The following ZNF207 variants were observed in gnomAD, a reference collection of about 807,000 sequenced individuals.
ZNF207 encodes the protein zinc finger protein 207, also known as BUB3-interacting and GLEBS motif-containing protein ZNF207.
ZNF207 carries 24 observed loss-of-function variants against 60.2 expected under a neutral mutation model. That is an observed-to-expected ratio of 0.40 (90% CI 0.29 to 0.56). The LOEUF (loss-of-function observed/expected upper bound fraction) is 0.56. Among genes scored for constraint, ZNF207 ranks in the 20% least tolerant of loss-of-function variants. The pLI, the probability that ZNF207 is intolerant of heterozygous loss-of-function variation, is 0.49. For synonymous variants in ZNF207, 236 were observed against 194.7 expected (o/e 1.21, Z -1.77); for missense variants, 452 against 636.6 (o/e 0.71, Z 3.12).
rs560695745 is a variant in ZNF207 at position 32,362,923 on chromosome 17, A to G, written c.609A>G (p.Pro203=). The change falls in exon 7 of 12, where the codon CCA becomes CCG. Residue 203 remains proline (P), a synonymous_variant. Transcript: ENST00000394670. ...QSFCGENIMM[P]MGGMMPPGPG... ...ATTTGCTTTCTAATAGAATGATGCCAATGGGTGGAATGATGCCACCTGGAC... is the reference window on the plus strand; with the variant it reads ...ATTTGCTTTCTAATAGAATGATGCCGATGGGTGGAATGATGCCACCTGGAC... The G allele has an allele frequency of 1.9e-6, 3 of 1,613,386 alleles. No homozygotes were observed. The South Asian group carries it at 3.3e-5, about 18-fold the overall frequency.
rs1309453642 is a variant in ZNF207 at position 32,372,941 on chromosome 17, A to G, written c.*3182A>G. The G allele has an allele frequency of 2.6e-5, 4 of 152,366 alleles. No individual in the cohort carries two copies. Among genetic ancestry groups the G allele is most frequent in the African/African-American group, 9.7e-5 (4 of 41,438 alleles). 9.4% of individuals were successfully genotyped at this position (152,366 alleles called of 1,614,324 possible). A position where few individuals can be genotyped will look rare whatever the true frequency, so the allele number is the denominator to read the frequency against. The stretch of plus-strand genomic sequence containing the variant: ...TAGTAGGGCTGGCAACTTTGGCTCT[A>G]CCTTACATCCACCCCTTTTAGAAAA... On this transcript the variant is annotated 3_prime_UTR_variant, in exon 12 of 12. Transcript: ENST00000394670.
chr17:32,360,552 CTT>C (rs1038110427), intron 3 of ZNF207, 44 bp from the exon 4 acceptor site: 1 of 1,520,862 alleles, frequency 6.6e-7, no homozygotes, highest in African/African-American at 1.4e-5. Context: ...TGTAAATAAA[CTT>C]TCTTAGTTTT....
chr17:32,361,408 CTT>C (rs1466746301), intron 5 of ZNF207, 58 bp from the exon 6 acceptor site: 1 of 1,459,286 alleles, frequency 6.9e-7, no homozygotes, highest in Non-Finnish European at 9.5e-7. Flanking sequence ...ATACAATACA[CTT>C]TCCCACTGTA....
intron 2 of ZNF207, among the ~76,000 whole-genome samples, chr17:32,356,444 A>G (rs981617242): frequency 1.3e-5 from 2 of 152,226 alleles, no homozygotes; most frequent in Non-Finnish European, 2.9e-5. Flanking sequence ...TTTTAATTGC[A>G]ATATAAGGAA....
At chr17:32,351,679 G>C in intron 1 of ZNF207, 107 bp from the exon 2 acceptor site, 2 of 1,604,540 alleles carry the variant, frequency 1.2e-6, no homozygotes, top group Non-Finnish European at 8.5e-7. Flanking sequence ...TTTCTATACA[G>C]TACCATTTTG....
Position 32,372,644 on chromosome 17 carries a change from T to G in ZNF207, c.*2885T>G, listed in dbSNP as rs1013630982. ...ATAGGCTCAGAGGTGGTGTACCCAT[T>G]TAATATATTTGAAGTGTAATTTTTG... On this transcript the variant is annotated 3_prime_UTR_variant, in exon 12 of 12. Transcript: ENST00000394670. 3 of 152,196 alleles carry G rather than the reference T, an allele frequency of 2.0e-5. No homozygotes were observed. Among genetic ancestry groups the G allele is most frequent in the Non-Finnish European group, 4.4e-5 (3 of 68,022 alleles). The allele number at this position is 152,196 out of a possible 1,614,324, so 9.4% of individuals were successfully genotyped here. A position where few individuals can be genotyped will look rare whatever the true frequency, so the allele number is the denominator to read the frequency against.
rs1905861126 is a variant in ZNF207, at chr17:32,380,979, A to C, written c.*11220A>C. ...CTCAAAAAAAAAAAGAAAAAAAGAA[A>C]AAGTGATAAGATTTGGGAGTCTATT... is the stretch of plus-strand genomic sequence containing the variant. On this transcript the variant is annotated 3_prime_UTR_variant, in exon 12 of 12. Transcript: ENST00000394670. The C allele has an allele frequency of 6.6e-6, 1 of 152,228 alleles. No homozygotes were observed. The highest frequency in any genetic ancestry group is 6.5e-5 in the Admixed American group (1 of 15,278). 9.4% of individuals were successfully genotyped at this position (152,228 alleles called of 1,614,324 possible).
chr17:32,362,396 A>G (rs1279920061), intron 6 of ZNF207, among the ~76,000 whole-genome samples: 2 of 152,196 alleles, frequency 1.3e-5, no homozygotes, highest in African/African-American at 4.8e-5. Flanking sequence ...TCCTGAGTTC[A>G]AGCAGTCCTT....
chr17:32,363,112 GTTATATGGACCCT>G (rs1904973969), intron 7 of ZNF207, 128 bp downstream of exon 7: 1 of 686,744 alleles, frequency 1.5e-6, no homozygotes, highest in Admixed American at 3.3e-5. Flanking sequence ...TGTGAGAAGT[GTTATATGGACCCT>G]TTTTTAAAAA....
Position 32,365,429 on chromosome 17 carries a change from CA to C in ZNF207, c.772del (p.Thr258LeufsTer66). 6.2e-7 allele frequency: 1 copy of C among 1,614,142 alleles called. No individual in the cohort carries two copies. Among genetic ancestry groups the C allele is most frequent in the Admixed American group, 1.7e-5 (1 of 60,012 alleles). ...GILNRPPAPT[A>X]TVPAPQPPVT... ...CTTAATAGACCACCTGCACCAACAG[CA>C]ACTGTACCTGCCCCACAGCCTCCAG... On this transcript the variant is annotated frameshift_variant, in exon 8 of 12. Coordinates refer to ENST00000394670, the MANE Select transcript of ZNF207 (RefSeq NM_001098507.2). LOFTEE classifies it high-confidence loss of function.
intron 6 of ZNF207, chr17:32,362,647 AG>A: frequency 3.0e-6 from 1 of 328,438 alleles, no homozygotes; most frequent in Non-Finnish European, 5.5e-6. Flanking sequence ...GTACATATTG[AG>A]AGTATATTTG....
In ZNF207 at chr17:32,351,483, G is replaced by A. The variant is rs991337871; in HGVS notation, c.42-303G>A. Reference sequence around the variant, plus strand: ...TCCTCAGTGTGCATTTGTAAATGTTGAAATATTTATAACAAAAGTTTCACC... The same window carrying A: ...TCCTCAGTGTGCATTTGTAAATGTTAAAATATTTATAACAAAAGTTTCACC... On this transcript the variant is annotated intron_variant, in intron 1 of 11. Transcript: ENST00000394670. 3 of 1,461,796 alleles carry A rather than the reference G, an allele frequency of 2.1e-6. No individual in the cohort carries two copies. The East Asian group carries it at 7.9e-5, about 38-fold the overall frequency. 90.6% of individuals were successfully genotyped at this position (1,461,796 alleles called of 1,614,324 possible). A position where few individuals can be genotyped will look rare whatever the true frequency, so the allele number is the denominator to read the frequency against.
chr17:32,367,277 ATATATAT>A (rs1905238809), intron 9 of ZNF207, among the ~76,000 whole-genome samples: 1 of 116,720 alleles, frequency 8.6e-6, no homozygotes, highest in African/African-American at 3.9e-5. Flanking sequence ...ATATATATAT[ATATATAT>A]AAAGAATACT....
At chr17:32,365,711 C>A in intron 8 of ZNF207, 11 of 220,872 alleles carry the variant, frequency 5.0e-5, no homozygotes, top group East Asian at 1.0e-4. Context: ...GTTACTTTTT[C>A]ATAGCTGTGA....
intron 7 of ZNF207, among the ~76,000 whole-genome samples, chr17:32,363,368 G>T (rs2150797423): frequency 6.6e-6 from 1 of 152,120 alleles, no homozygotes; most frequent in Non-Finnish European, 1.5e-5. Flanking sequence ...GATTACAGGT[G>T]TGAGCCACCA....
At chr17:32,353,877 A>G (rs1186215415) in intron 2 of ZNF207, among the ~76,000 whole-genome samples, 1 of 151,864 alleles carries the variant, frequency 6.6e-6, no homozygotes, top group Non-Finnish European at 1.5e-5. Flanking sequence ...ACAGCTGTTC[A>G]CTGTTGCAGC....
chr17:32,366,733 A>G lies in ZNF207; in HGVS notation c.897A>G (p.Lys299=). The change falls in exon 9 of 12, where the codon AAA becomes AAG. Residue 299 remains lysine, a synonymous_variant. Transcript: ENST00000394670. ...SNSESLSASS[K]ALFPSTAQAQ... is the part of the protein sequence containing the mutation. ...CAGAAAGTCTGTCTGCATCTTCTAA[A>G]GCTCTGTTTCCTAGCACAGCACAAG... 1 of 1,611,064 alleles carries G rather than the reference A, an allele frequency of 6.2e-7. No individual in the cohort carries two copies. Among genetic ancestry groups the G allele is most frequent in the Non-Finnish European group, 8.5e-7 (1 of 1,178,966 alleles).
intron 3 of ZNF207, 96 bp downstream of exon 3, chr17:32,358,737 A>G (rs1904690243): frequency 1.0e-6 from 1 of 959,696 alleles, no homozygotes; most frequent in Non-Finnish European, 1.4e-6. Context: ...AGGCTGGAGT[A>G]CAGTGGTGTG....
At position 32,376,704 on chromosome 17, in the gene ZNF207, TG is replaced by T. The variant is rs1174330618; in HGVS notation, c.*6947del. 3 of 152,054 alleles carry T rather than the reference TG, an allele frequency of 2.0e-5. No individual in the cohort carries two copies. Among genetic ancestry groups the T allele is most frequent in the African/African-American group, 7.2e-5 (3 of 41,446 alleles). The allele number at this position is 152,054 out of a possible 1,614,324, so 9.4% of individuals were successfully genotyped here. On this transcript the variant is annotated 3_prime_UTR_variant, in exon 12 of 12. Transcript: ENST00000394670. The stretch of plus-strand genomic sequence containing the variant: ...CTGGCTAATTAGATGGAAACTTTGA[TG>T]GTTAGGTTCTTTAAGAGGCATACAA...
Sources: allele counts gnomAD v4.1 joint callset (sites outside exome capture counted in the v4.1 genomes callset), GRCh38; gene constraint gnomAD v4.1.1; transcripts MANE v1.5; gene names NCBI Gene and HGNC (gene_info 2026-07-23, HGNC 2026-07-21).